PTPRD: variants seen among roughly 807,000 people sequenced by gnomAD.
PTPRD encodes protein tyrosine phosphatase receptor type D.
PTPRD carries 34 observed loss-of-function variants against 214.5 expected under a neutral mutation model. That is an observed-to-expected ratio of 0.16 (90% CI 0.12 to 0.21). The LOEUF (loss-of-function observed/expected upper bound fraction) is 0.21, where lower values mean the gene tolerates loss of function less well. Among genes scored for constraint, PTPRD ranks in the 10% least tolerant of loss-of-function variants. PTPRD has a pLI of 1.00. For synonymous variants in PTPRD, 1,128 were observed against 845.7 expected, an observed-to-expected ratio of 1.33 and a Z score of -5.79; for missense variants, 2,545 against 2,398.7, an observed-to-expected ratio of 1.06 and a Z score of -1.27.
chr9:9,711,779 C>G, intron 7 of PTPRD, among the ~76,000 whole-genome samples: 1 of 152,140 alleles, frequency 6.6e-6, no homozygotes, highest in African/African-American at 2.4e-5. Flanking sequence ...GTCAATAGTG[C>G]AGAGACCGAA....
chr9:9,040,690 G>A (rs562423142), intron 10 of PTPRD, among the ~76,000 whole-genome samples: 2 of 152,036 alleles, frequency 1.3e-5, no homozygotes, highest in Admixed American at 6.6e-5. Context: ...AGAATGGAAG[G>A]TTATCTATAA....
At chr9:8,746,578 T>C (rs2092835889) in intron 11 of PTPRD, among the ~76,000 whole-genome samples, 1 of 152,214 alleles carries the variant, frequency 6.6e-6, no homozygotes, top group Non-Finnish European at 1.5e-5. Flanking sequence ...ATTAAAAGCC[T>C]GCTAGCAAAC....
chr9:9,444,582 G>C (rs2089671921), intron 8 of PTPRD, among the ~76,000 whole-genome samples: 1 of 152,112 alleles, frequency 6.6e-6, no homozygotes, highest in African/African-American at 2.4e-5. Flanking sequence ...TAACATTTTA[G>C]AATTAAGGTA....
chr9:9,476,977 C>G (rs539452954), intron 8 of PTPRD, among the ~76,000 whole-genome samples: 1 of 152,008 alleles, frequency 6.6e-6, no homozygotes, highest in Non-Finnish European at 1.5e-5. Flanking sequence ...TCAGGTGATC[C>G]GCCTGCCTCA....
intron 9 of PTPRD, among the ~76,000 whole-genome samples, chr9:9,262,535 T>A (rs750977853): frequency 2.6e-5 from 4 of 151,348 alleles, no homozygotes; most frequent in Non-Finnish European, 5.9e-5. Context: ...AGCTCTTGAT[T>A]GTCCAAGATA....
chr9:9,056,568 T>G (rs982198635), intron 10 of PTPRD, among the ~76,000 whole-genome samples: 2 of 152,252 alleles, frequency 1.3e-5, no homozygotes, highest in Admixed American at 1.3e-4. Flanking sequence ...ATGGTAAATT[T>G]GTGCCAATGA....
chr9:10,100,508 G>C (rs1478393613), intron 3 of PTPRD, among the ~76,000 whole-genome samples: 1 of 151,554 alleles, frequency 6.6e-6, no homozygotes, highest in African/African-American at 2.4e-5. Context: ...TTAGAAAGGA[G>C]GATGATCTCA....
chr9:10,268,467 C>A (rs1259542354), intron 3 of PTPRD, among the ~76,000 whole-genome samples: 1 of 151,872 alleles, frequency 6.6e-6, no homozygotes, highest in Non-Finnish European at 1.5e-5. Flanking sequence ...TTCCTTTGAC[C>A]TCAAAAACTC....
intron 14 of PTPRD, among the ~76,000 whole-genome samples, chr9:8,558,021 AAT>A (rs2084669546): frequency 6.6e-6 from 1 of 152,088 alleles, no homozygotes; most frequent in Non-Finnish European, 1.5e-5. Context: ...TTATGTAACT[AAT>A]TAATCTATTA....
intron 6 of PTPRD, among the ~76,000 whole-genome samples, chr9:9,755,383 C>A (rs1200914124): frequency 1.3e-5 from 2 of 152,016 alleles, no homozygotes; most frequent in Non-Finnish European, 2.9e-5. Flanking sequence ...AAGGAATTGA[C>A]AGCTTCAGTT....
intron 39 of PTPRD, among the ~76,000 whole-genome samples, chr9:8,353,394 G>C (rs1374162617): frequency 6.7e-6 from 1 of 148,852 alleles, no homozygotes; most frequent in Non-Finnish European, 1.5e-5. Context: ...TTATGAATCA[G>C]TATGCCTATT....
intron 4 of PTPRD, among the ~76,000 whole-genome samples, chr9:9,971,633 A>T (rs2095108189): frequency 1.3e-5 from 2 of 152,162 alleles, no homozygotes; most frequent in African/African-American, 4.8e-5. Flanking sequence ...TAGTATTTGT[A>T]TAGGAAAAGC....
chr9:9,007,225 T>TA (rs2099478096), intron 11 of PTPRD, among the ~76,000 whole-genome samples: 1 of 151,486 alleles, frequency 6.6e-6, no homozygotes, highest in East Asian at 1.9e-4. Context: ...TAGGAAAATA[T>TA]AAAAATTTAA....
chr9:8,505,068 A>G (rs1031115466), intron 22 of PTPRD, among the ~76,000 whole-genome samples: 4 of 152,198 alleles, frequency 2.6e-5, no homozygotes, highest in Non-Finnish European at 5.9e-5. Context: ...TGAATAAAGA[A>G]CCCACAGCCA....
chr9:8,889,646 T>C (rs550307262), intron 11 of PTPRD, among the ~76,000 whole-genome samples: 41 of 139,738 alleles, frequency 2.9e-4, no homozygotes, highest in South Asian at 1.9e-3. Flanking sequence ...CCAAAGTTCA[T>C]TGTATCATTC....
chr9:8,445,014 G>T (rs1055397751), intron 34 of PTPRD, among the ~76,000 whole-genome samples: 6 of 152,024 alleles, frequency 3.9e-5, no homozygotes, highest in Non-Finnish European at 7.4e-5. Context: ...AGATCTTAAA[G>T]ACTTGTAAAA....
chr9:9,287,741 A>T (rs1949967349), intron 9 of PTPRD, among the ~76,000 whole-genome samples: 2 of 151,914 alleles, frequency 1.3e-5, no homozygotes, highest in Admixed American at 1.3e-4. Flanking sequence ...AGCACAGAAG[A>T]TATTTCTGAG....
At chr9:9,464,568 G>A (rs2093970799) in intron 8 of PTPRD, among the ~76,000 whole-genome samples, 1 of 152,046 alleles carries the variant, frequency 6.6e-6, no homozygotes, top group Non-Finnish European at 1.5e-5. Context: ...TTAGTGGTAT[G>A]TTTTATTGCT....
At chr9:9,138,049 A>G (rs968102894) in intron 10 of PTPRD, among the ~76,000 whole-genome samples, 12 of 152,154 alleles carry the variant, frequency 7.9e-5, no homozygotes, top group African/African-American at 2.7e-4. Flanking sequence ...CTGAGATACT[A>G]CATAGATCTG....
Sources: allele counts gnomAD v4.1 joint callset (sites outside exome capture counted in the v4.1 genomes callset), GRCh38; gene constraint gnomAD v4.1.1; transcripts MANE v1.5; gene names NCBI Gene and HGNC (gene_info 2026-07-23, HGNC 2026-07-21).